Variants in ROBO1 observed in about 807,000 individuals in gnomAD.
ROBO1 encodes the protein roundabout guidance receptor 1, also known as roundabout homolog 1.
ROBO1 carries 149 observed loss-of-function variants against 195.9 expected under a neutral mutation model. The ratio of observed to expected loss-of-function variants is 0.76; its 90% CI spans 0.67 to 0.87. The LOEUF (loss-of-function observed/expected upper bound fraction) is 0.87, where lower values mean the gene tolerates loss of function less well. Among genes scored for constraint, ROBO1 ranks in the 40% least tolerant of loss-of-function variants. ROBO1 has a pLI of 0.00. For missense variants in ROBO1, 1,933 were observed against 2,068.3 expected (o/e 0.93, Z 1.27); for synonymous variants, 816 against 733.2 (o/e 1.11, Z -1.82).
intron 2 of ROBO1, among the ~76,000 whole-genome samples, chr3:79,375,846 G>T (rs2109353102): frequency 6.6e-6 from 1 of 152,296 alleles, no homozygotes; most frequent in Non-Finnish European, 1.5e-5. Context: ...TCTTAAACCT[G>T]TTCTGGGCAA....
chr3:79,618,233 T>C (rs1475961028), intron 1 of ROBO1, among the ~76,000 whole-genome samples: 1 of 152,076 alleles, frequency 6.6e-6, no homozygotes, highest in African/African-American at 2.4e-5. Context: ...AAAAATTTGG[T>C]CTAGATAAGG....
intron 3 of ROBO1, among the ~76,000 whole-genome samples, chr3:79,097,109 C>G (rs1446846230): frequency 1.3e-5 from 2 of 151,820 alleles, no homozygotes; most frequent in African/African-American, 4.8e-5. Context: ...TAAATAGACA[C>G]AGCGAATACT....
In ROBO1 at chr3:78,647,673, A is replaced by G; in HGVS notation, c.2813-18T>C. On this transcript the variant is annotated intron_variant, in intron 19 of 30. Coordinates refer to ENST00000464233, the MANE Select transcript of ROBO1 (RefSeq NM_002941.4). ...AGACGGGACTGAAAAATCAAAACAAAATATAAACCAGTTATTAAGCTGAAG... is the reference window on the plus strand; with the variant it reads ...AGACGGGACTGAAAAATCAAAACAAGATATAAACCAGTTATTAAGCTGAAG... 6.2e-7 allele frequency: 1 copy of G among 1,605,642 alleles called. No homozygotes were observed. The highest frequency in any genetic ancestry group is 2.2e-5 in the East Asian group (1 of 44,772).
intron 2 of ROBO1, among the ~76,000 whole-genome samples, chr3:79,286,530 C>T (rs909008846): frequency 2.0e-5 from 3 of 152,104 alleles, no homozygotes; most frequent in Admixed American, 1.3e-4. Context: ...TGACTGGAAG[C>T]TTATTTCTAC....
chr3:79,760,236 CAAAA>C (rs11451206), intron 1 of ROBO1, among the ~76,000 whole-genome samples: 8 of 4,484 alleles, frequency 1.8e-3, no homozygotes, highest in African/African-American at 2.6e-3. Context: ...GACCCTATCT[CAAAA>C]AAAAAAAAAA....
intron 2 of ROBO1, among the ~76,000 whole-genome samples, chr3:79,584,610 A>AGTGTGT (rs143360306): frequency 1.4e-3 from 188 of 131,764 alleles, no homozygotes; most frequent in African/African-American, 5.6e-3. Context: ...TAGGTGGGTG[A>AGTGTGT]GTGTGTGTGT....
At chr3:79,701,778 C>CA (rs1480754225) in intron 1 of ROBO1, among the ~76,000 whole-genome samples, 1 of 151,438 alleles carries the variant, frequency 6.6e-6, no homozygotes, top group South Asian at 2.1e-4. Flanking sequence ...AGGCCTGGAA[C>CA]AAAAAATAAT....
At chr3:79,499,477 TATAA>T (rs1386424994) in intron 2 of ROBO1, among the ~76,000 whole-genome samples, 1 of 152,238 alleles carries the variant, frequency 6.6e-6, no homozygotes, top group Non-Finnish European at 1.5e-5. Flanking sequence ...TGTTATTTCT[TATAA>T]ATATTTCAAT....
chr3:78,711,608 C>G lies in ROBO1; in HGVS notation c.1045+2789G>C, dbSNP rs978165077. Among the ~76,000 whole-genome samples the G allele has an allele frequency of 2.7e-5, 4 of 150,788 alleles. No homozygotes were observed. In the East Asian group the frequency reaches 7.8e-4, roughly 30 times the overall value. Reference sequence around the variant, plus strand: ...TCAAGCGATTCTCCTGCCTCAGCCTCCAGAGTAGCTGAGATTACAGCCGCA... The same window carrying G: ...TCAAGCGATTCTCCTGCCTCAGCCTGCAGAGTAGCTGAGATTACAGCCGCA... On this transcript the variant is annotated intron_variant, in intron 8 of 30. Transcript: ENST00000464233.
At chr3:78,692,056 T>C (rs1056837489) in intron 8 of ROBO1, among the ~76,000 whole-genome samples, 1 of 151,442 alleles carries the variant, frequency 6.6e-6, no homozygotes, top group Non-Finnish European at 1.5e-5. Context: ...TAATACATAA[T>C]AAAGTATATA....
chr3:79,593,663 T>C (rs912736569), intron 1 of ROBO1, among the ~76,000 whole-genome samples: 24 of 151,986 alleles, frequency 1.6e-4, no homozygotes, highest in African/African-American at 5.3e-4. Flanking sequence ...CAGACTGGAG[T>C]ACAGTGGTGC....
intron 2 of ROBO1, among the ~76,000 whole-genome samples, chr3:79,160,995 T>C (rs1032355153): frequency 1.3e-5 from 2 of 152,100 alleles, no homozygotes; most frequent in African/African-American, 4.8e-5. Context: ...TAATCATATG[T>C]CATTCTGATA....
chr3:78,846,342 C>T (rs755844746), intron 4 of ROBO1, among the ~76,000 whole-genome samples: 10 of 152,024 alleles, frequency 6.6e-5, no homozygotes, highest in Non-Finnish European at 5.9e-5. Flanking sequence ...TCTTATAAAT[C>T]AGCAGCCATG....
intron 3 of ROBO1, among the ~76,000 whole-genome samples, chr3:79,001,739 T>C (rs1300705504): frequency 1.3e-5 from 2 of 152,136 alleles, no homozygotes; most frequent in Non-Finnish European, 2.9e-5. Context: ...CTTATCACTA[T>C]AATTTCCTAA....
intron 1 of ROBO1, among the ~76,000 whole-genome samples, chr3:79,755,464 T>C (rs1444186119): frequency 1.3e-5 from 2 of 152,124 alleles, no homozygotes; most frequent in Non-Finnish European, 2.9e-5. Context: ...CTCTGCGTGT[T>C]AGATGAAAAG....
intron 2 of ROBO1, among the ~76,000 whole-genome samples, chr3:79,198,842 G>T (rs1368970418): frequency 2.0e-5 from 3 of 151,000 alleles, no homozygotes; most frequent in Non-Finnish European, 4.5e-5. Context: ...CTCTGTTATT[G>T]GTGTATAGGA....
chr3:78,848,060 A>T (rs1180378572), intron 4 of ROBO1, among the ~76,000 whole-genome samples: 1 of 152,140 alleles, frequency 6.6e-6, no homozygotes, highest in Admixed American at 6.6e-5. Context: ...TGCTAAGAAC[A>T]CTGTTACTTT....
rs552817775 is a variant in ROBO1 at position 79,295,945 on chromosome 3, A to G, written c.89-170406T>C. ...GATAACGGTGAAACTAACATTTCAT[A>G]TGTATAAATATTAAGTTTTTTTAAT... On this transcript the variant is annotated intron_variant, in intron 2 of 30. Coordinates refer to ENST00000464233, the MANE Select transcript of ROBO1 (RefSeq NM_002941.4). 1.9e-3 allele frequency among the ~76,000 whole-genome samples: 289 copies of G among 152,324 alleles called. 1 individual carries two copies. Among genetic ancestry groups the G allele is most frequent in the African/African-American group, 6.0e-3 (250 of 41,586 alleles).
intron 2 of ROBO1, among the ~76,000 whole-genome samples, chr3:79,329,542 C>T (rs963904754): frequency 6.6e-6 from 1 of 152,164 alleles, no homozygotes; most frequent in Admixed American, 6.5e-5. Flanking sequence ...TATGTCAGCT[C>T]TGCCTAGCCC....
Sources: gnomAD v4.1 joint callset for allele counts (sites outside exome capture counted in the v4.1 genomes callset) on GRCh38, gnomAD v4.1.1 for gene constraint, MANE v1.5 for transcripts, NCBI Gene and HGNC (gene_info 2026-07-23, HGNC 2026-07-21) for gene names.